Variants in GORASP1 observed in about 807,000 individuals in gnomAD.
The protein encoded by GORASP1 is Golgi reassembly-stacking protein 1.
GORASP1 carries 31 observed loss-of-function variants against 37.7 expected under a neutral mutation model. That is an observed-to-expected ratio of 0.82 (90% confidence interval 0.62 to 1.11). GORASP1 has a LOEUF of 1.11. GORASP1 is among the 50% of genes least tolerant of loss of function. GORASP1 has a pLI of 0.00. For missense variants in GORASP1, 476 were observed against 560.7 expected, an observed-to-expected ratio of 0.85 and a Z score of 1.53; for synonymous variants, 204 against 224.8, an observed-to-expected ratio of 0.91 and a Z score of 0.83.
In GORASP1 at chr3:39,098,380, G is replaced by A. The variant is rs777005675; in HGVS notation, c.1179C>T (p.Thr393=). 6.2e-7 allele frequency: 1 copy of A among 1,614,144 alleles called. No individual in the cohort carries two copies. The highest frequency in any genetic ancestry group is 8.5e-7 in the Non-Finnish European group (1 of 1,180,040). ...GCCCATCTTCTGGTGAGGCTGCAGAGGTGAGACTGTCAGGAAGAGTCAGCT... is the reference window on the plus strand; with the variant it reads ...GCCCATCTTCTGGTGAGGCTGCAGAAGTGAGACTGTCAGGAAGAGTCAGCT... ...LPQLTLPDSL[T]SAASPEDGLS... Residue 393 remains threonine, a synonymous_variant, in exon 9 of 9, where the codon ACC becomes ACT. Transcript: ENST00000319283. The surrounding 1 kb of genome is among the most constrained non-coding windows in gnomAD (Gnocchi z 4.7).
Position 39,100,089 on chromosome 3 carries a change from T to C in GORASP1, c.765+216A>G, listed in dbSNP as rs1471373365. Among the ~76,000 whole-genome samples, 1 of 152,202 alleles carries C rather than the reference T, an allele frequency of 6.6e-6. No individual in the cohort carries two copies. Among genetic ancestry groups the C allele is most frequent in the Non-Finnish European group, 1.5e-5 (1 of 68,038 alleles). On this transcript the variant is annotated intron_variant, in intron 6 of 8. Coordinates refer to ENST00000319283, the MANE Select transcript of GORASP1 (RefSeq NM_031899.4). This position sits in a 1 kb window ranked among gnomAD's most constrained non-coding sequence, Gnocchi z 4.6. ...CCACTCATGAAATGAAGATGACAAC[T>C]GGTGCTTCACCTCCACCCTCACTTC...
rs2035866055 is a variant in GORASP1 at position 39,103,731 on chromosome 3, A to G, written c.64-178T>C. ...ATGGCCTCTTGCTACCTTCCTGGGCACAAATTTTCCTCTTAGGAAAATGGC... is the reference window on the plus strand; with the variant it reads ...ATGGCCTCTTGCTACCTTCCTGGGCGCAAATTTTCCTCTTAGGAAAATGGC... On this transcript the variant is annotated intron_variant, in intron 1 of 8. Coordinates refer to ENST00000319283, the MANE Select transcript of GORASP1 (RefSeq NM_031899.4). This position sits in a 1 kb window ranked among gnomAD's most constrained non-coding sequence, Gnocchi z 5.2. 2 of 498,666 alleles carry G rather than the reference A, an allele frequency of 4.0e-6. No homozygotes were observed. The highest frequency in any genetic ancestry group is 3.3e-5 in the East Asian group (1 of 29,978). 30.9% of individuals were successfully genotyped at this position (498,666 alleles called of 1,614,324 possible).
At chr3:39,104,363 C>A (rs561653362) in intron 1 of GORASP1, among the ~76,000 whole-genome samples, 161 of 152,332 alleles carry the variant, frequency 1.1e-3, no homozygotes, top group Admixed American at 2.5e-3. Context: ...GCACAACAAC[C>A]AGGCTTTGCA....
chr3:39,103,855 A>G lies in GORASP1; in HGVS notation c.64-302T>C, dbSNP rs981402898. On this transcript the variant is annotated intron_variant, in intron 1 of 8. Transcript: ENST00000319283. The surrounding 1 kb of genome is among the most constrained non-coding windows in gnomAD (Gnocchi z 5.2). ...AGGCAATATGGAGACAGGCTGGCCC[A>G]GGCCTGTGGGAATGCTGCTCTAGAG... The G allele has an allele frequency of 3.8e-5, 12 of 313,116 alleles. No individual in the cohort carries two copies. The highest frequency in any genetic ancestry group is 8.6e-5 in the African/African-American group (4 of 46,584). The allele number at this position is 313,116 out of a possible 1,614,324, so 19.4% of individuals were successfully genotyped here.
intron 3 of GORASP1, chr3:39,101,504 G>A (rs1037350428): frequency 4.3e-6 from 2 of 460,404 alleles, no homozygotes; most frequent in African/African-American, 4.0e-5. Context: ...AAGAAGAAAA[G>A]CACACCTTGG....
intron 3 of GORASP1, 119 bp from the exon 4 acceptor site, chr3:39,101,221 G>A (rs1198094133): frequency 2.3e-6 from 2 of 854,910 alleles, no homozygotes; most frequent in Non-Finnish European, 3.8e-6. Context: ...CTATCCCTAA[G>A]CAGGGCTTCA....
intron 1 of GORASP1, among the ~76,000 whole-genome samples, chr3:39,106,223 T>C (rs1017331406): frequency 6.6e-6 from 1 of 152,168 alleles, no homozygotes; most frequent in Non-Finnish European, 1.5e-5. Context: ...CCTGCCAGAG[T>C]AGGAGCTCAA....
intron 1 of GORASP1, chr3:39,107,254 C>T: frequency 1.9e-6 from 1 of 523,688 alleles, no homozygotes; most frequent in East Asian, 3.9e-5. Flanking sequence ...GCACTTGGGG[C>T]GGGCGCTGGG....
chr3:39,099,580 C>T (rs2035566446), intron 6 of GORASP1, 77 bp from the exon 7 acceptor site: 1 of 1,388,184 alleles, frequency 7.2e-7, no homozygotes, highest in Non-Finnish European at 1.0e-6. Context: ...TCCAACCTAA[C>T]CACCAGTCCC....
chr3:39,097,081 T>C lies in GORASP1; in HGVS notation c.*1155A>G, dbSNP rs934997536. The C allele has an allele frequency of 3.3e-5, 5 of 152,262 alleles. No homozygotes were observed. Among genetic ancestry groups the C allele is most frequent in the African/African-American group, 1.2e-4 (5 of 41,466 alleles). The allele number at this position is 152,262 out of a possible 1,614,324, so 9.4% of individuals were successfully genotyped here. On this transcript the variant is annotated 3_prime_UTR_variant, in exon 9 of 9. Coordinates refer to ENST00000319283, the MANE Select transcript of GORASP1 (RefSeq NM_031899.4). ...TTGCTAATTTGGGACCCTCCCTCCA[T>C]ATAGTTGGCCTGTGCCCCCCAGAGC...
At chr3:39,104,338 C>G (rs1250536337) in intron 1 of GORASP1, among the ~76,000 whole-genome samples, 2 of 152,222 alleles carry the variant, frequency 1.3e-5, no homozygotes, top group Admixed American at 6.5e-5. Flanking sequence ...CCCCACCTCA[C>G]TGCTGTCTCC....
chr3:39,103,574 C>T lies in GORASP1; in HGVS notation c.64-21G>A. On this transcript the variant is annotated intron_variant, in intron 1 of 8. Coordinates refer to ENST00000319283, the MANE Select transcript of GORASP1 (RefSeq NM_031899.4). The surrounding 1 kb of genome is among the most constrained non-coding windows in gnomAD (Gnocchi z 5.2). ...TGCACCTATCCCACAGCAAAGACCA[C>T]AGTCACTGCGCCAACCCTGGGACTC... 1.3e-6 allele frequency: 2 copies of T among 1,596,704 alleles called. No homozygotes were observed. Among genetic ancestry groups the T allele is most frequent in the Non-Finnish European group, 1.7e-6 (2 of 1,170,240 alleles).
chr3:39,107,176 T>TC (rs1386152153), intron 1 of GORASP1: 1 of 533,466 alleles, frequency 1.9e-6, no homozygotes, highest in South Asian at 1.6e-5. Flanking sequence ...AGTGGTGCAT[T>TC]CTTCACCCGG....
chr3:39,103,519 AG>A lies in GORASP1; in HGVS notation c.97del (p.Leu33TrpfsTer16), dbSNP rs2035851889. The stretch of plus-strand genomic sequence containing the variant: ...GATGATGAAGTCAAAGTAGGGCTCC[AG>A]GCCCGCCTGCTGGGCTGGGGAGTTC... ...QENSPAQQAG[L>X]EPYFDFIITI... On this transcript the variant is annotated frameshift_variant, in exon 2 of 9. Transcript: ENST00000319283. LOFTEE classifies it high-confidence loss of function. This position sits in a 1 kb window ranked among gnomAD's most constrained non-coding sequence, Gnocchi z 5.2. The A allele has an allele frequency of 1.2e-6, 2 of 1,613,568 alleles. No homozygotes were observed. The highest frequency in any genetic ancestry group is 1.7e-6 in the Non-Finnish European group (2 of 1,179,882).
rs1385829381 is a variant in GORASP1, at chr3:39,099,334, T to C, written c.916+19A>G. ...GCCCCAAGCCTGGGGCCCACTCCTC[T>C]CCAGGGCCTGCCCAGTACCTGGGTC... On this transcript the variant is annotated intron_variant, in intron 7 of 8. Transcript: ENST00000319283. 6.2e-7 allele frequency: 1 copy of C among 1,612,124 alleles called. No homozygotes were observed. Among genetic ancestry groups the C allele is most frequent in the Non-Finnish European group, 8.5e-7 (1 of 1,179,148 alleles).
chr3:39,099,203 T>G, intron 7 of GORASP1, 150 bp downstream of exon 7: 1 of 955,774 alleles, frequency 1.0e-6, no homozygotes, highest in South Asian at 1.4e-5. Context: ...ACTCCCCATC[T>G]GTATACTAGA....
rs1286750473 is a variant in GORASP1, at chr3:39,103,204, C to T, written c.144+269G>A. ...TGCCCCTTGGCCAGGGCCCTCATAT[C>T]CCTCATGCCCCAGGAGGCAGGCCCC... On this transcript the variant is annotated intron_variant, in intron 2 of 8. Transcript: ENST00000319283. This position sits in a 1 kb window ranked among gnomAD's most constrained non-coding sequence, Gnocchi z 5.2. 3 of 588,166 alleles carry T rather than the reference C, an allele frequency of 5.1e-6. No homozygotes were observed. The highest frequency in any genetic ancestry group is 6.1e-6 in the Non-Finnish European group (2 of 330,420). 36.4% of individuals were successfully genotyped at this position (588,166 alleles called of 1,614,324 possible).
At chr3:39,107,406 C>A (rs2036266130) in intron 1 of GORASP1, 73 bp downstream of exon 1, 1 of 1,027,266 alleles carries the variant, frequency 9.7e-7, no homozygotes, top group Non-Finnish European at 1.3e-6. Context: ...CGCCAGCCAG[C>A]CGGCGACCGG....
At position 39,100,505 on chromosome 3, in the gene GORASP1, T is replaced by G; in HGVS notation, c.567-2A>C. The G allele has an allele frequency of 6.4e-7, 1 of 1,556,610 alleles. No individual in the cohort carries two copies. The highest frequency in any genetic ancestry group is 8.7e-7 in the Non-Finnish European group (1 of 1,152,486). ...CCATAGCCAATGCCACATCCCAGACTGCCGAAGGCCAGAAACATTCAATCC... is the reference window on the plus strand; with the variant it reads ...CCATAGCCAATGCCACATCCCAGACGGCCGAAGGCCAGAAACATTCAATCC... On this transcript the variant is annotated splice_acceptor_variant, in intron 5 of 8. Transcript: ENST00000319283. LOFTEE classifies it high-confidence loss of function. The surrounding 1 kb of genome is among the most constrained non-coding windows in gnomAD (Gnocchi z 4.6).
Sources: allele counts gnomAD v4.1 joint callset (sites outside exome capture counted in the v4.1 genomes callset), GRCh38; gene constraint gnomAD v4.1.1; non-coding constraint Gnocchi (gnomAD v3.1); transcripts MANE v1.5; gene names NCBI Gene and HGNC (gene_info 2026-07-23, HGNC 2026-07-21).